The following TOMM20 variants were observed in gnomAD, a reference collection of about 807,000 sequenced individuals.
TOMM20 encodes the protein mitochondrial import receptor subunit TOM20 homolog.
TOMM20 carries 10 observed loss-of-function variants against 22.1 expected under a neutral mutation model. The ratio of observed to expected loss-of-function variants is 0.45; its 90% CI spans 0.28 to 0.77. The LOEUF is 0.77. Ranked by LOEUF, TOMM20 falls within the 30% of genes least tolerant of loss-of-function variation. The pLI is 0.13. For synonymous variants in TOMM20, 55 were observed against 61.4 expected (o/e 0.90, Z 0.49); for missense variants, 121 against 172.2 (o/e 0.70, Z 1.66).
At chr1:235,125,124 C>T (rs1156880299) in intron 1 of TOMM20, among the ~76,000 whole-genome samples, 1 of 152,234 alleles carries the variant, frequency 6.6e-6, no homozygotes, top group Admixed American at 6.5e-5. Context: ...TCTGCTTTTG[C>T]TAACAGGTGA....
At chr1:235,112,206 C>G (rs555657177) in intron 4 of TOMM20, 98 bp from the exon 5 acceptor site, 2 of 977,672 alleles carry the variant, frequency 2.0e-6, no homozygotes, top group South Asian at 1.6e-5. Context: ...AGAATTGAAT[C>G]TTAGTAAAGT....
chr1:235,124,307 A>C (rs116180808), intron 1 of TOMM20, among the ~76,000 whole-genome samples: 13,137 of 152,352 alleles, frequency 0.086, 693 homozygotes, highest in Middle Eastern at 0.14. Context: ...AGATAGCGCC[A>C]CTGCGCTCCA....
rs1333736531 is a variant in TOMM20, at chr1:235,128,759, G to A, written c.-44C>T. Reference sequence around the variant, plus strand: ...CGTGGACGGTGGCGGCAGGGACCGCGAAGGAGCGGTGGGCCACGAACCCTC... The same window carrying A: ...CGTGGACGGTGGCGGCAGGGACCGCAAAGGAGCGGTGGGCCACGAACCCTC... On this transcript the variant is annotated 5_prime_UTR_variant, in exon 1 of 5. Coordinates refer to ENST00000366607, the MANE Select transcript of TOMM20 (RefSeq NM_014765.3). The A allele has an allele frequency of 6.2e-7, 1 of 1,611,794 alleles. No individual in the cohort carries two copies. Among genetic ancestry groups the A allele is most frequent in the Admixed American group, 1.7e-5 (1 of 59,956 alleles).
intron 1 of TOMM20, among the ~76,000 whole-genome samples, chr1:235,123,860 A>G (rs2102812641): frequency 6.6e-6 from 1 of 152,318 alleles, no homozygotes; most frequent in Non-Finnish European, 1.5e-5. Context: ...ACAATATCTA[A>G]TTGCTAAATA....
chr1:235,119,698 T>C (rs1326309281), intron 3 of TOMM20, 120 bp downstream of exon 3: 1 of 554,798 alleles, frequency 1.8e-6, no homozygotes, highest in East Asian at 2.9e-5. Flanking sequence ...AAACTTGTCT[T>C]GAGATACTTG....
At chr1:235,113,240 T>G (rs1440401736) in intron 4 of TOMM20, among the ~76,000 whole-genome samples, 1 of 152,214 alleles carries the variant, frequency 6.6e-6, no homozygotes, top group Admixed American at 6.5e-5. Flanking sequence ...TAATGCTATT[T>G]TGCATTTTTG....
intron 1 of TOMM20, among the ~76,000 whole-genome samples, chr1:235,122,673 C>T (rs1474432365): frequency 6.6e-6 from 1 of 152,160 alleles, no homozygotes; most frequent in Non-Finnish European, 1.5e-5. Flanking sequence ...ATCAAGTCCC[C>T]CCTTCCAACC....
intron 3 of TOMM20, among the ~76,000 whole-genome samples, chr1:235,116,604 C>T (rs929244820): frequency 6.6e-6 from 1 of 151,696 alleles, no homozygotes; most frequent in African/African-American, 2.4e-5. Context: ...GAGGCTGAGG[C>T]ACAAGAATTG....
rs541147185 is a variant in TOMM20, at chr1:235,125,486, T to A, written c.121+3109A>T. ...CGCCTCGGCCTCCCAAAGTGCTGGG[T>A]TTACAGGCCTGAGCCACCACGCCCG... On this transcript the variant is annotated intron_variant, in intron 1 of 4. Transcript: ENST00000366607. Among the ~76,000 whole-genome samples, 71 of 151,676 alleles carry A rather than the reference T, an allele frequency of 4.7e-4. 1 individual carries two copies. Among genetic ancestry groups the A allele is most frequent in the African/African-American group, 1.4e-3 (58 of 41,348 alleles).
chr1:235,114,688 C>T (rs550989360), intron 3 of TOMM20, among the ~76,000 whole-genome samples: 1 of 152,076 alleles, frequency 6.6e-6, no homozygotes, highest in Admixed American at 6.6e-5. Flanking sequence ...CCGCCCACCT[C>T]GGCCTCCCAA....
intron 1 of TOMM20, among the ~76,000 whole-genome samples, chr1:235,125,906 C>T (rs1229053152): frequency 1.3e-5 from 2 of 151,432 alleles, no homozygotes; most frequent in Non-Finnish European, 2.9e-5. Context: ...CGTGCCACCA[C>T]GCCCAGCTAA....
intron 4 of TOMM20, 50 bp from the exon 5 acceptor site, chr1:235,112,158 G>T: frequency 1.4e-6 from 2 of 1,382,636 alleles, no homozygotes; most frequent in South Asian, 1.3e-5. Context: ...CATTTAATTA[G>T]GATTCTAACT....
chr1:235,116,961 C>T (rs543944828), intron 3 of TOMM20, among the ~76,000 whole-genome samples: 47 of 149,616 alleles, frequency 3.1e-4, no homozygotes, highest in Admixed American at 1.3e-4. Context: ...TGGTGAAACC[C>T]CGTCTCTACT....
Position 235,122,318 on chromosome 1 carries a change from A to T in TOMM20, c.168+8T>A, listed in dbSNP as rs758693428. The T allele has an allele frequency of 6.6e-7, 1 of 1,526,466 alleles. No individual in the cohort carries two copies. Among genetic ancestry groups the T allele is most frequent in the African/African-American group, 1.4e-5 (1 of 71,586 alleles). 94.6% of individuals were successfully genotyped at this position (1,526,466 alleles called of 1,614,324 possible). A position where few individuals can be genotyped will look rare whatever the true frequency, so the allele number is the denominator to read the frequency against. Reference sequence around the variant, plus strand: ...AATATATAATTTAAACAGAAACCAGACTATTACCTTGGAAAGCCCAGCTCT... The same window carrying T: ...AATATATAATTTAAACAGAAACCAGTCTATTACCTTGGAAAGCCCAGCTCT... On this transcript the variant is annotated splice_region_variant and intron_variant, in intron 2 of 4. Coordinates refer to ENST00000366607, the MANE Select transcript of TOMM20 (RefSeq NM_014765.3).
intron 1 of TOMM20, among the ~76,000 whole-genome samples, chr1:235,127,119 ACT>A (rs1486213407): frequency 6.6e-6 from 1 of 152,196 alleles, no homozygotes; most frequent in Non-Finnish European, 1.5e-5. Context: ...ATTCTTTATA[ACT>A]CTGCATTTGT....
At chr1:235,112,757 T>C (rs1660758617) in intron 4 of TOMM20, among the ~76,000 whole-genome samples, 1 of 152,354 alleles carries the variant, frequency 6.6e-6, no homozygotes, top group African/African-American at 2.4e-5. Context: ...TTAGGCTTCA[T>C]AGTGAATTCA....
intron 1 of TOMM20, among the ~76,000 whole-genome samples, chr1:235,125,565 T>C (rs949784784): frequency 6.6e-6 from 1 of 152,046 alleles, no homozygotes; most frequent in Non-Finnish European, 1.5e-5. Flanking sequence ...CTACATGCCT[T>C]ATGTGAAAAA....
intron 1 of TOMM20, among the ~76,000 whole-genome samples, chr1:235,124,058 G>A (rs949644519): frequency 3.9e-5 from 6 of 152,344 alleles, no homozygotes; most frequent in African/African-American, 1.4e-4. Flanking sequence ...AACATTAAAA[G>A]AATTACAGCT....
At chr1:235,125,377 G>T (rs988146664) in intron 1 of TOMM20, among the ~76,000 whole-genome samples, 1 of 152,074 alleles carries the variant, frequency 6.6e-6, no homozygotes, top group African/African-American at 2.4e-5. Flanking sequence ...ACCATGCCCG[G>T]CTAAGTTTTT....
Sources: allele counts gnomAD v4.1 joint callset (sites outside exome capture counted in the v4.1 genomes callset), GRCh38; gene constraint gnomAD v4.1.1; transcripts MANE v1.5; gene names NCBI Gene and HGNC (gene_info 2026-07-23, HGNC 2026-07-21).